IL12RB2: variants seen among roughly 807,000 people sequenced by gnomAD.
IL12RB2 encodes interleukin-12 receptor subunit beta-2.
A neutral mutation model predicts 89.4 loss-of-function variants in IL12RB2; 82 were observed. That is an observed-to-expected ratio of 0.92 (90% CI 0.77 to 1.10). IL12RB2 has a LOEUF of 1.10. Ranked by LOEUF, IL12RB2 falls within the 50% of genes least tolerant of loss-of-function variation. The probability of loss-of-function intolerance (pLI) is 0.00; values close to 1 mark genes in which losing one functional copy is unlikely to be tolerated. For synonymous variants in IL12RB2, 368 were observed against 370.1 expected (o/e 0.99, Z 0.07); for missense variants, 963 against 1,031.9 (o/e 0.93, Z 0.92).
intron 10 of IL12RB2, among the ~76,000 whole-genome samples, chr1:67,360,254 G>A (rs769703688): frequency 1.3e-5 from 2 of 151,310 alleles, no homozygotes; most frequent in Non-Finnish European, 2.9e-5. Flanking sequence ...ATGCAAATTA[G>A]CCAGCGTGGT....
rs150009097 is a variant in IL12RB2, at chr1:67,393,894, T to TA, written c.2047-1651dup. Among the ~76,000 whole-genome samples the TA allele has an allele frequency of 3.5e-3, 529 of 152,164 alleles. 4 individuals carry two copies. Among genetic ancestry groups the TA allele is most frequent in the African/African-American group, 0.011 (467 of 41,530 alleles). ...ATTTTTTGTCATCCTACTCCTCCTG[T>TA]AAGACATGGTCCCTGTGCACACATG... On this transcript the variant is annotated intron_variant, in intron 16 of 16. Transcript: ENST00000674203.
intron 13 of IL12RB2, among the ~76,000 whole-genome samples, chr1:67,373,252 G>A (rs1245574702): frequency 1.3e-5 from 2 of 152,148 alleles, no homozygotes; most frequent in Non-Finnish European, 2.9e-5. Context: ...GGAACTACAG[G>A]TGCATGCCAC....
Position 67,380,048 on chromosome 1 carries a change from T to G in IL12RB2, c.1780T>G (p.Tyr594Asp). ...AAACAGCCTGCAGCCCCGAGTGACA[T>G]ATGTCCTGTGGATGACAGCTCTGAC... Reference protein sequence around the residue: ...PINSLQPRVTYVLWMTALTAA... With the variant: ...PINSLQPRVTDVLWMTALTAA... Residue 594 changes from tyrosine to aspartate, a missense_variant, in exon 14 of 17, where the codon TAT (tyrosine) becomes GAT (aspartate). Coordinates refer to ENST00000674203, the MANE Select transcript of IL12RB2 (RefSeq NM_001374259.2). The G allele has an allele frequency of 6.2e-7, 1 of 1,613,554 alleles. No individual in the cohort carries two copies. The highest frequency in any genetic ancestry group is 8.5e-7 in the Non-Finnish European group (1 of 1,179,482).
chr1:67,346,753 A>T (rs1427882459), intron 9 of IL12RB2, among the ~76,000 whole-genome samples: 1 of 152,130 alleles, frequency 6.6e-6, no homozygotes, highest in Non-Finnish European at 1.5e-5. Context: ...TTTTAAAATC[A>T]AGATGCTCAC....
chr1:67,375,826 G>A (rs1415378413), intron 13 of IL12RB2, among the ~76,000 whole-genome samples: 2 of 151,734 alleles, frequency 1.3e-5, no homozygotes, highest in Admixed American at 6.6e-5. Flanking sequence ...GTAGAGCCAC[G>A]GCCAGCACAT....
intron 9 of IL12RB2, among the ~76,000 whole-genome samples, chr1:67,343,599 T>C (rs867344033): frequency 3.9e-4 from 60 of 152,190 alleles, no homozygotes; most frequent in African/African-American, 1.4e-3. Flanking sequence ...CTTTCTCTTC[T>C]CCTTCTGTAC....
chr1:67,317,348 A>T (rs564511279), intron 2 of IL12RB2, among the ~76,000 whole-genome samples: 1 of 152,286 alleles, frequency 6.6e-6, no homozygotes, highest in East Asian at 1.9e-4. Flanking sequence ...TTTAACAGTG[A>T]CTCACAAGAA....
chr1:67,321,152 C>A (rs1656463341), intron 3 of IL12RB2, among the ~76,000 whole-genome samples: 2 of 151,832 alleles, frequency 1.3e-5, no homozygotes, highest in African/African-American at 4.8e-5. Flanking sequence ...TTTTAATACT[C>A]TTTTAAAACT....
At chr1:67,309,883 T>C (rs1225358491) in intron 1 of IL12RB2, among the ~76,000 whole-genome samples, 2 of 152,104 alleles carry the variant, frequency 1.3e-5, no homozygotes, top group Admixed American at 6.6e-5. Context: ...CAAATAAATT[T>C]GTGCAGAATG....
intron 16 of IL12RB2, among the ~76,000 whole-genome samples, chr1:67,393,320 T>A (rs1666025760): frequency 6.6e-6 from 1 of 152,180 alleles, no homozygotes; most frequent in Non-Finnish European, 1.5e-5. Context: ...ATAGTGTCCA[T>A]GAGGTTCCTG....
chr1:67,342,783 A>G (rs1659802330), intron 9 of IL12RB2, among the ~76,000 whole-genome samples: 1 of 142,972 alleles, frequency 7.0e-6, no homozygotes, highest in Admixed American at 7.1e-5. Flanking sequence ...TTTTTGAGAC[A>G]GGGTGTCATT....
At chr1:67,391,358 T>TGTGTGTGTGTGTGTG (rs1400344862) in intron 16 of IL12RB2, among the ~76,000 whole-genome samples, 1 of 121,938 alleles carries the variant, frequency 8.2e-6, no homozygotes, top group Non-Finnish European at 1.7e-5. Context: ...ATAACAGCAG[T>TGTGTGTGTGTGTGTG]GTGTGTGTGT....
rs141247332 is a variant in IL12RB2, at chr1:67,352,663, C to G, written c.1258+1574C>G. Reference sequence around the variant, plus strand: ...TGTTTGTAGGCAACTGGTAATCTCTCTCTATATTTATCAATATAACTTTTT... The same window carrying G: ...TGTTTGTAGGCAACTGGTAATCTCTGTCTATATTTATCAATATAACTTTTT... On this transcript the variant is annotated intron_variant, in intron 10 of 16. Transcript: ENST00000674203. Among the ~76,000 whole-genome samples, 13 of 152,268 alleles carry G rather than the reference C, an allele frequency of 8.5e-5. No individual in the cohort carries two copies. The East Asian group carries it at 2.5e-3, about 29-fold the overall frequency.
intron 10 of IL12RB2, among the ~76,000 whole-genome samples, chr1:67,366,925 A>G (rs908298987): frequency 6.6e-6 from 1 of 152,244 alleles, no homozygotes; most frequent in African/African-American, 2.4e-5. Flanking sequence ...AGTGAAAAAA[A>G]GAAAAAGCAT....
intron 4 of IL12RB2, among the ~76,000 whole-genome samples, chr1:67,323,959 T>TA (rs1265867563): frequency 6.6e-6 from 1 of 152,196 alleles, no homozygotes. Flanking sequence ...TACATTGCAG[T>TA]ATATTGAACA....
At chr1:67,387,825 C>T (rs969094252) in intron 15 of IL12RB2, among the ~76,000 whole-genome samples, 2 of 151,908 alleles carry the variant, frequency 1.3e-5, no homozygotes, top group Admixed American at 6.6e-5. Flanking sequence ...CACACAGATG[C>T]AAATGTAAGA....
At chr1:67,377,186 T>C (rs1570140528) in intron 13 of IL12RB2, among the ~76,000 whole-genome samples, 1 of 152,182 alleles carries the variant, frequency 6.6e-6, no homozygotes, top group African/African-American at 2.4e-5. Flanking sequence ...CTTTTCCCCA[T>C]TAGATAGTGG....
intron 9 of IL12RB2, among the ~76,000 whole-genome samples, chr1:67,342,544 G>A (rs575111391): frequency 1.1e-4 from 16 of 151,956 alleles, no homozygotes; most frequent in African/African-American, 2.4e-4. Flanking sequence ...TGTGGAAGGC[G>A]TGGGAGTGTG....
At position 67,341,518 on chromosome 1, in the gene IL12RB2, G is replaced by A. The variant is rs1194722970; in HGVS notation, c.1038+2815G>A. 4.9e-3 allele frequency among the ~76,000 whole-genome samples: 141 copies of A among 28,768 alleles called. 2 individuals carry two copies. Among genetic ancestry groups the A allele is most frequent in the African/African-American group, 0.017 (134 of 7,912 alleles). The allele number at this position is 28,768 out of a possible 152,430, so 18.9% of individuals were successfully genotyped here. On this transcript the variant is annotated intron_variant, in intron 9 of 16. Coordinates refer to ENST00000674203, the MANE Select transcript of IL12RB2 (RefSeq NM_001374259.2). ...GAAAGAGAAAGAAGAAAGAAGGAAA[G>A]AAAAAAGAAAGAGAAAGAAAGAAAG... is the stretch of plus-strand genomic sequence containing the variant.
Sources: gnomAD v4.1 joint callset for allele counts (sites outside exome capture counted in the v4.1 genomes callset) on GRCh38, gnomAD v4.1.1 for gene constraint, MANE v1.5 for transcripts, NCBI Gene and HGNC (gene_info 2026-07-23, HGNC 2026-07-21) for gene names.